The following RAP1B variants were observed in gnomAD, a reference collection of about 807,000 sequenced individuals.
RAP1B encodes RAP1B, member of RAS oncogene family.
Under a neutral mutation model 27.5 loss-of-function variants are expected in RAP1B, and 1 was observed. The observed-to-expected ratio is 0.04, with a 90% CI of 0.01 to 0.17. The LOEUF is 0.17. RAP1B is among the 10% of genes least tolerant of loss of function. The probability of loss-of-function intolerance (pLI) is 1.00; values close to 1 mark genes in which losing one functional copy is unlikely to be tolerated. For synonymous variants in RAP1B, 75 were observed against 73.1 expected, an observed-to-expected ratio of 1.03 and a Z score of -0.13; for missense variants, 84 against 214.8, an observed-to-expected ratio of 0.39 and a Z score of 3.81.
Position 68,670,520 on chromosome 12 carries a change from C to T in RAP1B, c.*11271C>T, listed in dbSNP as rs1412778179. 2.0e-5 allele frequency: 3 copies of T among 152,078 alleles called. No individual in the cohort carries two copies. Among genetic ancestry groups the T allele is most frequent in the African/African-American group, 7.2e-5 (3 of 41,410 alleles). The allele number at this position is 152,078 out of a possible 1,614,324, so 9.4% of individuals were successfully genotyped here. ...TAATAAGTGTGTGTGTGTGTACACA[C>T]AGATGCTTCTCAGCTTACAATGGGG... On this transcript the variant is annotated 3_prime_UTR_variant, in exon 8 of 8. Coordinates refer to ENST00000250559, the MANE Select transcript of RAP1B (RefSeq NM_001010942.3).
rs368621098 is a variant in RAP1B, at chr12:68,659,339, A to G, written c.*90A>G. On this transcript the variant is annotated 3_prime_UTR_variant, in exon 8 of 8. Transcript: ENST00000250559. ...GCATTCCAACTTTGTTAAACCTACCAACATCTTAAATGGACTTTCCTGTGG... is the reference window on the plus strand; with the variant it reads ...GCATTCCAACTTTGTTAAACCTACCGACATCTTAAATGGACTTTCCTGTGG... The G allele has an allele frequency of 6.4e-5, 29 of 455,076 alleles. No individual in the cohort carries two copies. In the East Asian group the frequency reaches 1.9e-3, roughly 29 times the overall value. The allele number at this position is 455,076 out of a possible 1,614,324, so 28.2% of individuals were successfully genotyped here. A position where few individuals can be genotyped will look rare whatever the true frequency, so the allele number is the denominator to read the frequency against.
intron 1 of RAP1B, among the ~76,000 whole-genome samples, chr12:68,617,130 CT>C (rs1253983041): frequency 6.6e-6 from 1 of 152,086 alleles, no homozygotes; most frequent in Non-Finnish European, 1.5e-5. Flanking sequence ...TTACTTTATA[CT>C]AAATTCAGGG....
At position 68,660,259 on chromosome 12, in the gene RAP1B, T is replaced by A. The variant is rs1874527541; in HGVS notation, c.*1010T>A. On this transcript the variant is annotated 3_prime_UTR_variant, in exon 8 of 8. Transcript: ENST00000250559. The stretch of plus-strand genomic sequence containing the variant: ...GGAAGTAATTTTAATCATATGTAAT[T>A]GGTCACAAGGCCTAATTTGCAGTAA... 7.5e-6 allele frequency: 1 copy of A among 133,356 alleles called. No homozygotes were observed. Among genetic ancestry groups the A allele is most frequent in the Non-Finnish European group, 1.6e-5 (1 of 63,462 alleles). 8.3% of individuals were successfully genotyped at this position (133,356 alleles called of 1,614,324 possible).
intron 1 of RAP1B, 112 bp downstream of exon 1, chr12:68,611,155 G>A (rs1486172397): frequency 6.8e-6 from 1 of 146,862 alleles, no homozygotes; most frequent in African/African-American, 2.5e-5. Context: ...GCCGGGCGCG[G>A]CGGTCAGGGG....
chr12:68,618,793 A>C (rs1871197939), intron 1 of RAP1B, among the ~76,000 whole-genome samples: 1 of 152,218 alleles, frequency 6.6e-6, no homozygotes, highest in Non-Finnish European at 1.5e-5. Flanking sequence ...AAAAAATTTT[A>C]AACTAAATCT....
intron 1 of RAP1B, chr12:68,642,544 A>G: frequency 3.9e-6 from 4 of 1,033,756 alleles, no homozygotes; most frequent in East Asian, 2.4e-5. Flanking sequence ...GGTGAGGCCA[A>G]TAAGGATACT....
intron 1 of RAP1B, among the ~76,000 whole-genome samples, chr12:68,630,808 G>T (rs899854863): frequency 2.0e-5 from 3 of 151,936 alleles, no homozygotes; most frequent in African/African-American, 7.3e-5. Flanking sequence ...ATCCTCCCGG[G>T]TAGGTGGAAC....
chr12:68,625,446 G>A (rs1737032124), intron 1 of RAP1B, among the ~76,000 whole-genome samples: 1 of 152,212 alleles, frequency 6.6e-6, no homozygotes, highest in South Asian at 2.1e-4. Flanking sequence ...GAAAATTACA[G>A]GAAGTACCTA....
intron 1 of RAP1B, 160 bp from the exon 2 acceptor site, chr12:68,648,539 C>G (rs1037403198): frequency 5.0e-6 from 3 of 595,846 alleles, no homozygotes; most frequent in African/African-American, 3.8e-5. Flanking sequence ...TCTTCTACCT[C>G]TGAGCATCTT....
intron 1 of RAP1B, among the ~76,000 whole-genome samples, chr12:68,614,636 A>G (rs1273797974): frequency 6.6e-5 from 10 of 152,206 alleles, no homozygotes; most frequent in African/African-American, 2.4e-4. Flanking sequence ...TCCATGGTCT[A>G]AGAGATTAGG....
chr12:68,635,604 C>T (rs529511406), intron 1 of RAP1B, among the ~76,000 whole-genome samples: 16 of 152,112 alleles, frequency 1.1e-4, no homozygotes, highest in Non-Finnish European at 2.1e-4. Context: ...TACAGGCGCC[C>T]GCCACCTCAC....
At chr12:68,616,774 C>G (rs1871054687) in intron 1 of RAP1B, among the ~76,000 whole-genome samples, 1 of 151,950 alleles carries the variant, frequency 6.6e-6, no homozygotes, top group Non-Finnish European at 1.5e-5. Flanking sequence ...CCATGTTGCC[C>G]AAGCTCACCT....
At position 68,662,096 on chromosome 12, in the gene RAP1B, A is replaced by G. The variant is rs1874633403; in HGVS notation, c.*2847A>G. 1 of 148,396 alleles carries G rather than the reference A, an allele frequency of 6.7e-6. No individual in the cohort carries two copies. The highest frequency in any genetic ancestry group is 1.5e-5 in the Non-Finnish European group (1 of 67,334). 9.2% of individuals were successfully genotyped at this position (148,396 alleles called of 1,614,324 possible). A position where few individuals can be genotyped will look rare whatever the true frequency, so the allele number is the denominator to read the frequency against. ...ATGTAGTACAGTGGAGGTCTATATA[A>G]TACTATATATATAATTTATTTTTTT... On this transcript the variant is annotated 3_prime_UTR_variant, in exon 8 of 8. Transcript: ENST00000250559.
intron 1 of RAP1B, among the ~76,000 whole-genome samples, chr12:68,613,750 G>C (rs960600237): frequency 6.6e-6 from 1 of 152,234 alleles, no homozygotes; most frequent in African/African-American, 2.4e-5. Context: ...GTAATGGTTA[G>C]CGTTTGAATT....
At chr12:68,620,716 C>A (rs1871331700) in intron 1 of RAP1B, among the ~76,000 whole-genome samples, 1 of 151,752 alleles carries the variant, frequency 6.6e-6, no homozygotes, top group African/African-American at 2.4e-5. Flanking sequence ...TGCATCTCAG[C>A]GTCCCAAGTA....
At chr12:68,637,073 A>C (rs189857868) in intron 1 of RAP1B, among the ~76,000 whole-genome samples, 1 of 151,726 alleles carries the variant, frequency 6.6e-6, no homozygotes, top group African/African-American at 2.4e-5. Context: ...ATAACTTACT[A>C]CTCTTCTTTT....
intron 1 of RAP1B, among the ~76,000 whole-genome samples, chr12:68,647,553 A>ATATC (rs1873518965): frequency 6.6e-6 from 1 of 150,856 alleles, no homozygotes; most frequent in African/African-American, 2.4e-5. Context: ...TCCTGGTCAG[A>ATATC]TACACTGCTC....
chr12:68,658,994 A>T (rs1874428690), intron 7 of RAP1B, among the ~76,000 whole-genome samples: 1 of 152,162 alleles, frequency 6.6e-6, no homozygotes, highest in South Asian at 2.1e-4. Context: ...TTCCTTTTTA[A>T]TCCTTGGAAG....
Position 68,614,797 on chromosome 12 carries a change from G to C in RAP1B, c.-27+3754G>C, listed in dbSNP as rs1335056358. Among the ~76,000 whole-genome samples the C allele has an allele frequency of 8.5e-5, 13 of 152,302 alleles. No homozygotes were observed. The East Asian group carries it at 1.9e-3, about 23-fold the overall frequency. Reference sequence around the variant, plus strand: ...TACTGTACCATGGCTCTGGAAGCTAGTGTTTTTCTGTGTTCATAGATTATT... The same window carrying C: ...TACTGTACCATGGCTCTGGAAGCTACTGTTTTTCTGTGTTCATAGATTATT... On this transcript the variant is annotated intron_variant, in intron 1 of 7. Coordinates refer to ENST00000250559, the MANE Select transcript of RAP1B (RefSeq NM_001010942.3).
Sources: gnomAD v4.1 joint callset for allele counts (sites outside exome capture counted in the v4.1 genomes callset) on GRCh38, gnomAD v4.1.1 for gene constraint, MANE v1.5 for transcripts, NCBI Gene and HGNC (gene_info 2026-07-23, HGNC 2026-07-21) for gene names.